CFAP251: variants seen among roughly 807,000 people sequenced by gnomAD.
CFAP251 encodes cilia- and flagella-associated protein 251.
A neutral mutation model predicts 126.7 loss-of-function variants in CFAP251; 93 were observed. That is an observed-to-expected ratio of 0.73 (90% CI 0.62 to 0.87). The LOEUF is 0.87. Ranked by LOEUF, CFAP251 falls within the 40% of genes least tolerant of loss-of-function variation. CFAP251 has a pLI of 0.00. For synonymous variants in CFAP251, 503 were observed against 506.9 expected (o/e 0.99, Z 0.10); for missense variants, 1,287 against 1,389.2 (o/e 0.93, Z 1.17).
intron 15 of CFAP251, among the ~76,000 whole-genome samples, chr12:121,962,627 G>A (rs1881977857): frequency 6.6e-6 from 1 of 152,010 alleles, no homozygotes; most frequent in African/African-American, 2.4e-5. Flanking sequence ...CATGTTGGCG[G>A]GGGCAGGTGA....
At position 121,984,507 on chromosome 12, in the gene CFAP251, G is replaced by A. The variant is rs149988002; in HGVS notation, c.3006+8822G>A. The stretch of plus-strand genomic sequence containing the variant: ...ATTTTCAGTAGAAACGGGGTTTCAC[G>A]GTGTTAGCCAGGAAGGTCTCAATCT... On this transcript the variant is annotated intron_variant, in intron 19 of 21. Transcript: ENST00000288912. Among the ~76,000 whole-genome samples the A allele has an allele frequency of 8.7e-4, 133 of 152,136 alleles. 1 individual carries two copies. The highest frequency in any genetic ancestry group is 3.1e-3 in the African/African-American group (130 of 41,516).
At chr12:121,993,848 G>A (rs1882950553) in intron 19 of CFAP251, among the ~76,000 whole-genome samples, 1 of 133,676 alleles carries the variant, frequency 7.5e-6, no homozygotes, top group Non-Finnish European at 1.6e-5. Flanking sequence ...GGGAGGTGGG[G>A]GGGGTCAGCC....
rs947822422 is a variant in CFAP251, at chr12:121,991,032, A to G, written c.3007-8684A>G. On this transcript the variant is annotated intron_variant, in intron 19 of 21. Coordinates refer to ENST00000288912, the MANE Select transcript of CFAP251 (RefSeq NM_144668.6). ...TATTTCATTGGCTTTGCACTAAACC[A>G]AATGCTCAGTAACTACTAGTAAATC... Among the ~76,000 whole-genome samples, 10 of 152,252 alleles carry G rather than the reference A, an allele frequency of 6.6e-5. No homozygotes were observed. The South Asian group carries it at 2.1e-3, about 31-fold the overall frequency.
intron 12 of CFAP251, 27 bp from the exon 13 acceptor site, chr12:121,958,916 C>T: frequency 6.4e-7 from 1 of 1,560,258 alleles, no homozygotes; most frequent in South Asian, 1.2e-5. Flanking sequence ...TAATCCTTTT[C>T]CATCGTTCTC....
At chr12:121,972,643 C>T (rs1021231716) in intron 17 of CFAP251, among the ~76,000 whole-genome samples, 1 of 152,110 alleles carries the variant, frequency 6.6e-6, no homozygotes, top group Non-Finnish European at 1.5e-5. Flanking sequence ...TGTGTGCCAC[C>T]ATGCCTGGCT....
chr12:121,966,237 C>A (rs181288329), intron 15 of CFAP251, among the ~76,000 whole-genome samples: 1,346 of 16,012 alleles, frequency 0.084, 101 homozygotes, highest in Non-Finnish European at 0.17. Context: ...CCCTCCCCTC[C>A]CCTTCCCTCC....
intron 19 of CFAP251, chr12:121,992,273 G>A (rs1882893464): frequency 8.1e-6 from 8 of 985,434 alleles, no homozygotes; most frequent in Non-Finnish European, 9.6e-6. Flanking sequence ...AGCAGAACCT[G>A]CCTTTTCAAC....
intron 7 of CFAP251, among the ~76,000 whole-genome samples, chr12:121,945,842 A>G (rs1881305730): frequency 6.7e-6 from 1 of 149,614 alleles, no homozygotes; most frequent in Non-Finnish European, 1.5e-5. Flanking sequence ...ATTTTTTTGT[A>G]TTTTTAATAG....
Position 121,942,630 on chromosome 12 carries a change from A to C in CFAP251, c.1095A>C (p.Ser365=). The C allele has an allele frequency of 6.2e-7, 1 of 1,612,338 alleles. No individual in the cohort carries two copies. Among genetic ancestry groups the C allele is most frequent in the Non-Finnish European group, 8.5e-7 (1 of 1,179,766 alleles). The part of the protein sequence containing the change: ...THDAKYLATI[S]DAEVQKVCIW... Reference sequence around the variant, plus strand: ...ACGCCAAGTATCTGGCAACCATCTCAGATGCTGAAGTCCAGGTAAAGGCCC... The same window carrying C: ...ACGCCAAGTATCTGGCAACCATCTCCGATGCTGAAGTCCAGGTAAAGGCCC... The change falls in exon 6 of 22, where the codon TCA becomes TCC. Residue 365 remains serine (S), a synonymous_variant. Transcript: ENST00000288912.
chr12:121,970,056 A>C, intron 17 of CFAP251: 5 of 676,272 alleles, frequency 7.4e-6, no homozygotes, highest in Non-Finnish European at 9.1e-6. Context: ...AGAATTTCCT[A>C]CTAGAGTTAC....
intron 3 of CFAP251, 93 bp from the exon 4 acceptor site, chr12:121,931,650 TTGA>T: frequency 8.0e-7 from 1 of 1,254,928 alleles, no homozygotes; most frequent in South Asian, 2.2e-5. Context: ...CACTGAACTG[TTGA>T]TGTGAAATCC....
At chr12:121,971,566 G>A in intron 17 of CFAP251, 1 of 702,854 alleles carries the variant, frequency 1.4e-6, no homozygotes, top group South Asian at 1.5e-5. Flanking sequence ...AGCCATCCTG[G>A]GAGCCAGGCA....
Position 121,960,656 on chromosome 12 carries a change from A to G in CFAP251, c.2205A>G (p.Ala735=). The G allele has an allele frequency of 6.2e-7, 1 of 1,614,170 alleles. No individual in the cohort carries two copies. Among genetic ancestry groups the G allele is most frequent in the Non-Finnish European group, 8.5e-7 (1 of 1,180,012 alleles). Residue 735 remains alanine (A), a synonymous_variant, in exon 14 of 22, where the codon GCA becomes GCG. Coordinates refer to ENST00000288912, the MANE Select transcript of CFAP251 (RefSeq NM_144668.6). Reference sequence around the variant, plus strand: ...GACAGAGGGTCTGGGAGTACTTAGCAAGACTTCGCTCTCATCGCAAAAGCA... The same window carrying G: ...GACAGAGGGTCTGGGAGTACTTAGCGAGACTTCGCTCTCATCGCAAAAGCA... ...RNGQRVWEYL[A]RLRSHRKSIR... is the part of the protein sequence containing the mutation.
At chr12:121,979,313 G>A (rs1256981441) in intron 19 of CFAP251, among the ~76,000 whole-genome samples, 1 of 152,136 alleles carries the variant, frequency 6.6e-6, no homozygotes, top group African/African-American at 2.4e-5. Context: ...CAGCCCACGT[G>A]GTGTTCCAGA....
chr12:121,993,970 G>C (rs1350694110), intron 19 of CFAP251, among the ~76,000 whole-genome samples: 1 of 81,130 alleles, frequency 1.2e-5, no homozygotes, highest in African/African-American at 3.7e-5. Flanking sequence ...CCGGGAGGGA[G>C]GTGGGGGGGT....
At chr12:121,967,124 C>A in intron 16 of CFAP251, 55 bp downstream of exon 16, 1 of 1,490,758 alleles carries the variant, frequency 6.7e-7, no homozygotes, top group Non-Finnish European at 9.4e-7. Flanking sequence ...TCATGAGCAG[C>A]AGTCATTACT....
chr12:121,920,474 G>C (rs1880122838), intron 1 of CFAP251, among the ~76,000 whole-genome samples: 4 of 150,488 alleles, frequency 2.7e-5, no homozygotes, highest in African/African-American at 9.8e-5. Context: ...TCGGCTCACT[G>C]CAAGCTCCGC....
chr12:121,984,113 C>A (rs2135806501), intron 19 of CFAP251, among the ~76,000 whole-genome samples: 1 of 152,274 alleles, frequency 6.6e-6, no homozygotes, highest in African/African-American at 2.4e-5. Flanking sequence ...TGATATCTTT[C>A]TTACGTCATT....
chr12:121,957,497 G>C (rs1474328606), intron 11 of CFAP251, among the ~76,000 whole-genome samples: 1 of 152,134 alleles, frequency 6.6e-6, no homozygotes, highest in Non-Finnish European at 1.5e-5. Context: ...GAGGTCAGGA[G>C]ATCGAGACCA....
Sources: allele counts gnomAD v4.1 joint callset (sites outside exome capture counted in the v4.1 genomes callset), GRCh38; gene constraint gnomAD v4.1.1; transcripts MANE v1.5; gene names NCBI Gene and HGNC (gene_info 2026-07-23, HGNC 2026-07-21).